Variants in PTPRM observed in about 807,000 individuals in gnomAD.
PTPRM encodes the protein receptor-type tyrosine-protein phosphatase mu.
PTPRM carries 47 observed loss-of-function variants against 186.7 expected under a neutral mutation model. The ratio of observed to expected loss-of-function variants is 0.25; its 90% confidence interval spans 0.20 to 0.32. The LOEUF is 0.32. Among genes scored for constraint, PTPRM ranks in the 10% least tolerant of loss-of-function variants. The pLI is 1.00. For synonymous variants in PTPRM, 668 were observed against 674.9 expected (o/e 0.99, Z 0.16); for missense variants, 1,494 against 1,865.0 (o/e 0.80, Z 3.66).
intron 2 of PTPRM, among the ~76,000 whole-genome samples, chr18:7,854,036 G>A (rs966026461): frequency 1.3e-5 from 2 of 152,140 alleles, no homozygotes; most frequent in Non-Finnish European, 2.9e-5. Context: ...CCATTTGTTA[G>A]AATGCATTTC....
chr18:7,721,588 T>C (rs2040447753), intron 1 of PTPRM, among the ~76,000 whole-genome samples: 1 of 152,164 alleles, frequency 6.6e-6, no homozygotes, highest in African/African-American at 2.4e-5. Flanking sequence ...CCTCTTTCAT[T>C]TGGGTCTTTG....
At chr18:8,392,381 T>G (rs79554128) in intron 31 of PTPRM, among the ~76,000 whole-genome samples, 1 of 152,014 alleles carries the variant, frequency 6.6e-6, no homozygotes, top group African/African-American at 2.4e-5. Context: ...TCCCAGCACT[T>G]TGGGAGGCCG....
At chr18:7,672,068 C>T (rs2039228944) in intron 1 of PTPRM, among the ~76,000 whole-genome samples, 1 of 152,146 alleles carries the variant, frequency 6.6e-6, no homozygotes, top group Non-Finnish European at 1.5e-5. Flanking sequence ...TCATCATTTT[C>T]CAAACATCTT....
At chr18:8,178,240 G>A (rs1278015707) in intron 14 of PTPRM, among the ~76,000 whole-genome samples, 1 of 152,162 alleles carries the variant, frequency 6.6e-6, no homozygotes, top group Non-Finnish European at 1.5e-5. Flanking sequence ...TTTGTTCACA[G>A]GAATAAGCAA....
rs2042352099 is a variant in PTPRM, at chr18:7,772,400, TTTCTTTCTTTC to T, written c.74-1746_74-1736del. ...CTTTCTTTCTTTCTTTCTTTCTTTC[TTTCTTTCTTTC>T]TTTTCTTTCTTTCTCCCTTCCCCTT... On this transcript the variant is annotated intron_variant, in intron 1 of 32. Transcript: ENST00000580170. Among the ~76,000 whole-genome samples the T allele has an allele frequency of 4.7e-5, 6 of 127,780 alleles. No homozygotes were observed. In the Admixed American group the frequency reaches 4.9e-4, roughly 10 times the overall value. 83.8% of individuals were successfully genotyped at this position (127,780 alleles called of 152,430 possible). A position where few individuals can be genotyped will look rare whatever the true frequency, so the allele number is the denominator to read the frequency against.
chr18:7,705,279 T>TTATCTATCTATC (rs67662119), intron 1 of PTPRM, among the ~76,000 whole-genome samples: 193 of 146,600 alleles, frequency 1.3e-3, no homozygotes, highest in East Asian at 2.7e-3. Flanking sequence ...AAATATCTAT[T>TTATCTATCTATC]TATCTATCTA....
intron 2 of PTPRM, among the ~76,000 whole-genome samples, chr18:7,801,687 CTT>C (rs753920025): frequency 6.6e-6 from 1 of 152,172 alleles, no homozygotes; most frequent in Admixed American, 6.5e-5. Flanking sequence ...GCACGGAAGG[CTT>C]TTTACACTAG....
intron 19 of PTPRM, among the ~76,000 whole-genome samples, chr18:8,293,122 A>T (rs1219091665): frequency 1.3e-5 from 2 of 152,164 alleles, no homozygotes; most frequent in Non-Finnish European, 2.9e-5. Flanking sequence ...ATGCTCTCAT[A>T]ATAAGTGCTC....
chr18:7,595,929 T>C (rs8089695), intron 1 of PTPRM, among the ~76,000 whole-genome samples: 32,555 of 152,138 alleles, frequency 0.21, 5,491 homozygotes, highest in East Asian at 0.49. Context: ...TATCCACACC[T>C]CTGAAAGATG....
At chr18:8,346,938 C>T (rs1294670924) in intron 23 of PTPRM, among the ~76,000 whole-genome samples, 2 of 152,206 alleles carry the variant, frequency 1.3e-5, no homozygotes, top group East Asian at 1.9e-4. Context: ...GAGAGTACCT[C>T]GCCATAGTGT....
intron 2 of PTPRM, among the ~76,000 whole-genome samples, chr18:7,871,369 C>T (rs2047974776): frequency 6.6e-6 from 1 of 152,178 alleles, no homozygotes; most frequent in African/African-American, 2.4e-5. Flanking sequence ...GATGATGATC[C>T]TAAACTTGCG....
intron 1 of PTPRM, among the ~76,000 whole-genome samples, chr18:7,743,657 G>A (rs1346660054): frequency 6.6e-6 from 1 of 152,156 alleles, no homozygotes; most frequent in Non-Finnish European, 1.5e-5. Flanking sequence ...CATGTAGTTG[G>A]CTAATGTCAG....
At chr18:7,679,851 A>C (rs187786548) in intron 1 of PTPRM, among the ~76,000 whole-genome samples, 6 of 151,710 alleles carry the variant, frequency 4.0e-5, no homozygotes, top group African/African-American at 1.5e-4. Flanking sequence ...TTGACAATAG[A>C]CTTTTTTTGA....
chr18:8,341,577 C>A (rs1317104710), intron 22 of PTPRM, among the ~76,000 whole-genome samples: 1 of 152,088 alleles, frequency 6.6e-6, no homozygotes, highest in Non-Finnish European at 1.5e-5. Flanking sequence ...CAGGCACAAG[C>A]TGTCCATGAT....
chr18:7,858,510 G>A (rs1482072889), intron 2 of PTPRM, among the ~76,000 whole-genome samples: 2 of 152,206 alleles, frequency 1.3e-5, no homozygotes, highest in African/African-American at 4.8e-5. Context: ...ACAATGAGCT[G>A]TGATTGTGCC....
intron 14 of PTPRM, among the ~76,000 whole-genome samples, chr18:8,191,613 C>T (rs1301051346): frequency 6.6e-6 from 1 of 152,134 alleles, no homozygotes; most frequent in Non-Finnish European, 1.5e-5. Flanking sequence ...CACACAAATG[C>T]ATGTGCACAC....
intron 22 of PTPRM, among the ~76,000 whole-genome samples, chr18:8,341,586 A>G (rs958011169): frequency 1.3e-5 from 2 of 152,052 alleles, no homozygotes; most frequent in African/African-American, 4.8e-5. Flanking sequence ...GCTGTCCATG[A>G]TGCTGGGACC....
At chr18:8,317,770 G>A (rs2095319799) in intron 21 of PTPRM, among the ~76,000 whole-genome samples, 1 of 152,204 alleles carries the variant, frequency 6.6e-6, no homozygotes, top group Admixed American at 6.5e-5. Context: ...AGAAATGATG[G>A]TGATGTTCAG....
In PTPRM at chr18:7,567,838, G is replaced by T. The variant is rs1007151692; in HGVS notation, c.20G>T (p.Cys7Phe). ...AGCACCATGAGGGGACTTGGGACTT[G>T]CCTGGCGACTTTGGCCGGACTTTTG... is the stretch of plus-strand genomic sequence containing the variant. MRGLGT[C>F]LATLAGLLLT... is the part of the protein sequence containing the mutation. The change falls in exon 1 of 33, where the codon TGC (cysteine) becomes TTC (phenylalanine). Residue 7 changes from cysteine (C) to phenylalanine (F), a missense_variant. Coordinates refer to ENST00000580170, the MANE Select transcript of PTPRM (RefSeq NM_001105244.2). The surrounding 1 kb of genome is among the most constrained non-coding windows in gnomAD (Gnocchi z 4.3). The T allele has an allele frequency of 6.4e-7, 1 of 1,563,914 alleles. No individual in the cohort carries two copies. The highest frequency in any genetic ancestry group is 1.9e-5 in the Admixed American group (1 of 52,512).
Sources: gnomAD v4.1 joint callset for allele counts (sites outside exome capture counted in the v4.1 genomes callset) on GRCh38, gnomAD v4.1.1 for gene constraint, Gnocchi (gnomAD v3.1) non-coding constraint, MANE v1.5 for transcripts, NCBI Gene and HGNC (gene_info 2026-07-23, HGNC 2026-07-21) for gene names.